The following UBQLN4 variants were observed in gnomAD, a reference collection of about 807,000 sequenced individuals.
The protein encoded by UBQLN4 is ubiquilin 4.
In UBQLN4, 11 loss-of-function variants were observed where a neutral mutation model predicts 60.4. The ratio of observed to expected loss-of-function variants is 0.18; its 90% CI spans 0.11 to 0.30. The LOEUF is 0.30. Ranked by LOEUF, UBQLN4 falls within the 10% of genes least tolerant of loss-of-function variation. The pLI is 1.00. For synonymous variants in UBQLN4, 258 were observed against 313.1 expected (o/e 0.82, Z 1.86); for missense variants, 417 against 795.5 (o/e 0.52, Z 5.72).
intron 8 of UBQLN4, 53 bp from the exon 9 acceptor site, chr1:156,042,040 C>T: frequency 6.2e-7 from 1 of 1,612,558 alleles, no homozygotes; most frequent in Admixed American, 1.7e-5. Context: ...AAAGAGGAGA[C>T]AACCTCAACT....
chr1:156,041,875 G>A lies in UBQLN4; in HGVS notation c.1463C>T (p.Pro488Leu), dbSNP rs141984749. 2 of 1,610,048 alleles carry A rather than the reference G, an allele frequency of 1.2e-6. No homozygotes were observed. Among genetic ancestry groups the A allele is most frequent in the Non-Finnish European group, 1.7e-6 (2 of 1,178,792 alleles). Reference protein sequence around the residue: ...TLQTEAPGLVPSLGSFGISRT... With the variant: ...TLQTEAPGLVLSLGSFGISRT... The stretch of plus-strand genomic sequence containing the variant: ...CCTCCTGCCCCCCTACCCTCACCTG[G>A]GTACCAGCCCAGGGGCCTCGGTCTG... The change falls in exon 9 of 11, where the codon CCC becomes CTC. Residue 488 changes from proline to leucine, a missense_variant. Transcript: ENST00000368309.
rs111667150 is a variant in UBQLN4, at chr1:156,053,085, G to T, written c.108+509C>A. 2.9e-3 allele frequency among the ~76,000 whole-genome samples: 438 copies of T among 152,294 alleles called. 5 individuals carry two copies. The highest frequency in any genetic ancestry group is 9.9e-3 in the African/African-American group (412 of 41,558). On this transcript the variant is annotated intron_variant, in intron 1 of 10. Coordinates refer to ENST00000368309, the MANE Select transcript of UBQLN4 (RefSeq NM_020131.5). ...TTTTATTGAGCACCTACTGCACACC[G>T]TGTAAATCTCAGAAGAGCTGAGAAC...
At chr1:156,031,856 CT>C (rs1683304253), downstream of UBQLN4, among the ~76,000 whole-genome samples, 1 of 151,808 alleles carries the variant, frequency 6.6e-6, no homozygotes, top group East Asian at 1.9e-4. Context: ...CTGTTTTTTG[CT>C]TTTGAGCTCT....
chr1:156,041,469 C>G lies in UBQLN4; in HGVS notation c.1653+16G>C. The G allele has an allele frequency of 6.5e-7, 1 of 1,549,600 alleles. No individual in the cohort carries two copies. Among genetic ancestry groups the G allele is most frequent in the Non-Finnish European group, 8.7e-7 (1 of 1,146,920 alleles). ...AAAGTGGTGCTCCCAGCACCTGCCCCCACTGCCTCATGTACCTGTGAGTTT... is the reference window on the plus strand; with the variant it reads ...AAAGTGGTGCTCCCAGCACCTGCCCGCACTGCCTCATGTACCTGTGAGTTT... On this transcript the variant is annotated intron_variant, in intron 10 of 10. Coordinates refer to ENST00000368309, the MANE Select transcript of UBQLN4 (RefSeq NM_020131.5).
Position 156,042,502 on chromosome 1 carries a change from T to A in UBQLN4, c.1267-266A>T, listed in dbSNP as rs1018155607. ...CTAACATTTCCAGGTATACAGAACT[T>A]ACTCTGTCACACGCCATGTTCTAAG... On this transcript the variant is annotated intron_variant, in intron 7 of 10. Coordinates refer to ENST00000368309, the MANE Select transcript of UBQLN4 (RefSeq NM_020131.5). 3.1e-6 allele frequency: 4 copies of A among 1,272,542 alleles called. No individual in the cohort carries two copies. The Admixed American group carries it at 1.2e-4, about 39-fold the overall frequency. 78.8% of individuals were successfully genotyped at this position (1,272,542 alleles called of 1,614,324 possible).
chr1:156,040,061 G>A (rs1303997654), intron 10 of UBQLN4, among the ~76,000 whole-genome samples: 1 of 151,660 alleles, frequency 6.6e-6, no homozygotes, highest in Non-Finnish European at 1.5e-5. Context: ...TGGGGTCACA[G>A]AGAAAGTCAG....
intron 10 of UBQLN4, 67 bp downstream of exon 10, chr1:156,041,418 T>C: frequency 6.8e-7 from 1 of 1,466,330 alleles, no homozygotes; most frequent in Non-Finnish European, 9.1e-7. Context: ...TCTATTCTAT[T>C]GCTTCCCTTG....
Position 156,053,775 on chromosome 1 carries a change from T to A in UBQLN4, c.-74A>T. On this transcript the variant is annotated 5_prime_UTR_variant, in exon 1 of 11. Coordinates refer to ENST00000368309, the MANE Select transcript of UBQLN4 (RefSeq NM_020131.5). The stretch of plus-strand genomic sequence containing the variant: ...TCCCCGCCCGCCCGGCCGGCCCGGC[T>A]CGGCTTCTGCGCCTCCAACACTCCC... 1.0e-6 allele frequency: 1 copy of A among 952,582 alleles called. No individual in the cohort carries two copies. Among genetic ancestry groups the A allele is most frequent in the Non-Finnish European group, 1.4e-6 (1 of 738,388 alleles). The allele number at this position is 952,582 out of a possible 1,614,324, so 59.0% of individuals were successfully genotyped here. A position where few individuals can be genotyped will look rare whatever the true frequency, so the allele number is the denominator to read the frequency against.
chr1:156,035,650 A>C lies in UBQLN4; in HGVS notation c.*1328T>G. ...CTGAAAGGCCAGGGGCTCTGGAGGA[A>C]AAAAACCCTCTACTATTCCCACAAG... On this transcript the variant is annotated 3_prime_UTR_variant, in exon 11 of 11. Transcript: ENST00000368309. 9 of 983,678 alleles carry C rather than the reference A, an allele frequency of 9.1e-6. No homozygotes were observed. The highest frequency in any genetic ancestry group is 1.1e-5 in the Non-Finnish European group (9 of 828,690). The allele number at this position is 983,678 out of a possible 1,614,324, so 60.9% of individuals were successfully genotyped here. A position where few individuals can be genotyped will look rare whatever the true frequency, so the allele number is the denominator to read the frequency against.
downstream of UBQLN4, chr1:156,033,349 G>A: frequency 7.5e-6 from 7 of 937,520 alleles, no homozygotes; most frequent in South Asian, 9.9e-5. Flanking sequence ...TTTGTGAATG[G>A]CATGTGTGAG....
chr1:156,031,425 A>C (rs1683295133), downstream of UBQLN4, among the ~76,000 whole-genome samples: 1 of 152,166 alleles, frequency 6.6e-6, no homozygotes, highest in Non-Finnish European at 1.5e-5. Flanking sequence ...CATAAGTAGA[A>C]AGCAAAGATG....
chr1:156,050,435 G>A lies in UBQLN4; in HGVS notation c.597C>T (p.Ile199=), dbSNP rs769444168. 5 of 1,613,878 alleles carry A rather than the reference G, an allele frequency of 3.1e-6. No homozygotes were observed. The African/African-American group carries it at 6.7e-5, about 22-fold the overall frequency. The change falls in exon 4 of 11, where the codon ATC becomes ATT. Residue 199 remains isoleucine, a synonymous_variant. Transcript: ENST00000368309. The surrounding 1 kb of genome is among the most constrained non-coding windows in gnomAD (Gnocchi z 4.6). ...LMSNPEMLSQ[I]MENPLVQDMM... ...TATCCTGGACCAGGGGGTTCTCCAT[G>A]ATCTGTGACAGCATCTCAGGATTGG...
intron 8 of UBQLN4, 35 bp downstream of exon 8, chr1:156,042,118 C>A: frequency 1.2e-6 from 2 of 1,606,942 alleles, no homozygotes; most frequent in Non-Finnish European, 1.7e-6. Context: ...CTACCCCTTG[C>A]CCTCAACCTC....
intron 5 of UBQLN4, 61 bp from the exon 6 acceptor site, chr1:156,044,284 C>T: frequency 7.0e-7 from 1 of 1,431,040 alleles, no homozygotes; most frequent in South Asian, 1.2e-5. Flanking sequence ...AGGGCTAGGC[C>T]CATTCTCTCC....
Position 156,048,360 on chromosome 1 carries a change from G to T in UBQLN4, c.900+141C>A. ...AATGGACCATCCCCGGATATGTACT[G>T]TTGAGAACTGCCTTCAAGCCAAGGC... is the stretch of plus-strand genomic sequence containing the variant. On this transcript the variant is annotated intron_variant, in intron 5 of 10. Coordinates refer to ENST00000368309, the MANE Select transcript of UBQLN4 (RefSeq NM_020131.5). The surrounding 1 kb of genome is among the most constrained non-coding windows in gnomAD (Gnocchi z 4.9). 1.0e-6 allele frequency: 1 copy of T among 980,212 alleles called. No homozygotes were observed. The allele number at this position is 980,212 out of a possible 1,614,324, so 60.7% of individuals were successfully genotyped here. A position where few individuals can be genotyped will look rare whatever the true frequency, so the allele number is the denominator to read the frequency against.
chr1:156,040,146 C>A (rs1451350089), intron 10 of UBQLN4, among the ~76,000 whole-genome samples: 3 of 151,822 alleles, frequency 2.0e-5, no homozygotes, highest in Non-Finnish European at 2.9e-5. Flanking sequence ...ATAATCCCAG[C>A]ACTTTGGGAG....
chr1:156,048,366 A>T lies in UBQLN4; in HGVS notation c.900+135T>A. 9.7e-7 allele frequency: 1 copy of T among 1,026,078 alleles called. No homozygotes were observed. The highest frequency in any genetic ancestry group is 1.4e-6 in the Non-Finnish European group (1 of 719,968). The allele number at this position is 1,026,078 out of a possible 1,614,324, so 63.6% of individuals were successfully genotyped here. ...CCATCCCCGGATATGTACTGTTGAG[A>T]ACTGCCTTCAAGCCAAGGCCCACCC... On this transcript the variant is annotated intron_variant, in intron 5 of 10. Transcript: ENST00000368309. This position sits in a 1 kb window ranked among gnomAD's most constrained non-coding sequence, Gnocchi z 4.9.
downstream of UBQLN4, among the ~76,000 whole-genome samples, chr1:156,034,822 CTTCT>C (rs1477678141): frequency 2.3e-5 from 1 of 42,952 alleles, no homozygotes; most frequent in African/African-American, 8.7e-5. Context: ...ATCCCTTAAC[CTTCT>C]ATATATATAT....
intron 6 of UBQLN4, among the ~76,000 whole-genome samples, chr1:156,043,488 A>G (rs1445449688): frequency 2.6e-5 from 4 of 152,218 alleles, no homozygotes; most frequent in African/African-American, 9.7e-5. Flanking sequence ...AACTTTCCCA[A>G]TCAAGATATC....
Sources: gnomAD v4.1 joint callset for allele counts (sites outside exome capture counted in the v4.1 genomes callset) on GRCh38, gnomAD v4.1.1 for gene constraint, Gnocchi (gnomAD v3.1) non-coding constraint, MANE v1.5 for transcripts, NCBI Gene and HGNC (gene_info 2026-07-23, HGNC 2026-07-21) for gene names.